TGFBR3: variants seen among roughly 807,000 people sequenced by gnomAD.
TGFBR3 encodes the protein transforming growth factor beta receptor 3, also known as transforming growth factor beta receptor type 3.
A neutral mutation model predicts 87.9 loss-of-function variants in TGFBR3; 46 were observed. The observed-to-expected ratio is 0.52, with a 90% CI of 0.41 to 0.67. The LOEUF is 0.67. TGFBR3 is among the 30% of genes least tolerant of loss of function. TGFBR3 has a pLI of 0.00. For synonymous variants in TGFBR3, 381 were observed against 391.6 expected, an observed-to-expected ratio of 0.97 and a Z score of 0.32; for missense variants, 866 against 1,041.9, an observed-to-expected ratio of 0.83 and a Z score of 2.32.
In TGFBR3 at chr1:91,720,187, C is replaced by T; in HGVS notation, c.1119G>A (p.Glu373=). The T allele has an allele frequency of 6.2e-7, 1 of 1,611,912 alleles. No individual in the cohort carries two copies. The highest frequency in any genetic ancestry group is 8.5e-7 in the Non-Finnish European group (1 of 1,178,984). The change falls in exon 9 of 17, where the codon GAG becomes GAA. Residue 373 remains glutamate, a synonymous_variant. Coordinates refer to ENST00000212355, the MANE Select transcript of TGFBR3 (RefSeq NM_003243.5). ...CACCAGGGTCCAGCAGGATCCGTAG[C>T]TCAGGAGGAATAGTGTGGACTTCCT... ...GDEEVHTIPP[E]LRILLDPGAL...
chr1:91,720,527 T>C (rs910462858), intron 8 of TGFBR3, among the ~76,000 whole-genome samples: 3 of 152,222 alleles, frequency 2.0e-5, no homozygotes, highest in Non-Finnish European at 4.4e-5. Flanking sequence ...TGGCTACACA[T>C]GAAAATCACT....
chr1:91,713,878 AATGT>A (rs1438548114), intron 12 of TGFBR3, among the ~76,000 whole-genome samples: 1 of 152,168 alleles, frequency 6.6e-6, no homozygotes, highest in Non-Finnish European at 1.5e-5. Flanking sequence ...CACATGCCAA[AATGT>A]GTAACAGAGG....
chr1:91,813,854 C>T (rs1676109982), intron 2 of TGFBR3, among the ~76,000 whole-genome samples: 1 of 152,172 alleles, frequency 6.6e-6, no homozygotes, highest in African/African-American at 2.4e-5. Context: ...GGAACTGTTC[C>T]ACCTCAGGTC....
At chr1:91,779,993 T>C (rs1242459550) in intron 3 of TGFBR3, among the ~76,000 whole-genome samples, 2 of 152,128 alleles carry the variant, frequency 1.3e-5, no homozygotes, top group Admixed American at 1.3e-4. Flanking sequence ...AGACCACCAA[T>C]CTCTGCCTGC....
At chr1:91,732,884 T>G (rs538474731) in intron 5 of TGFBR3, among the ~76,000 whole-genome samples, 1 of 152,218 alleles carries the variant, frequency 6.6e-6, no homozygotes, top group Non-Finnish European at 1.5e-5. Flanking sequence ...AAGAAGCTCA[T>G]GCACTGCCGA....
intron 2 of TGFBR3, among the ~76,000 whole-genome samples, chr1:91,833,290 C>T (rs1676924889): frequency 1.6e-5 from 1 of 62,996 alleles, no homozygotes; most frequent in Admixed American, 2.1e-4. Context: ...TAGGAGACTC[C>T]GACTCAAAAA....
At chr1:91,801,458 G>A (rs1040090062) in intron 2 of TGFBR3, among the ~76,000 whole-genome samples, 5 of 152,102 alleles carry the variant, frequency 3.3e-5, no homozygotes, top group Admixed American at 6.6e-5. Context: ...AGCATTGTAC[G>A]GTGAACATCC....
intron 2 of TGFBR3, among the ~76,000 whole-genome samples, chr1:91,814,917 A>G (rs1006134463): frequency 1.3e-5 from 2 of 152,300 alleles, no homozygotes; most frequent in African/African-American, 4.8e-5. Flanking sequence ...CCTCCTCCAC[A>G]TTAGAGAAAT....
At chr1:91,717,696 A>C (rs569305847) in intron 10 of TGFBR3, among the ~76,000 whole-genome samples, 19 of 142,660 alleles carry the variant, frequency 1.3e-4, no homozygotes, top group African/African-American at 4.3e-4. Flanking sequence ...AATTAAAAAA[A>C]AAAAACAAAC....
intron 4 of TGFBR3, among the ~76,000 whole-genome samples, chr1:91,741,598 T>G (rs576773246): frequency 5.0e-4 from 76 of 152,220 alleles, no homozygotes; most frequent in African/African-American, 1.6e-3. Flanking sequence ...TTGGTTCCCT[T>G]GGCAACCAGC....
At chr1:91,727,984 T>G in intron 6 of TGFBR3, 178 bp from the exon 7 acceptor site, 1 of 676,140 alleles carries the variant, frequency 1.5e-6, no homozygotes, top group Non-Finnish European at 2.6e-6. Flanking sequence ...CAAAATTGTT[T>G]TACATAACAA....
At chr1:91,904,463 C>T (rs958211652) in intron 1 of TGFBR3, among the ~76,000 whole-genome samples, 2 of 150,194 alleles carry the variant, frequency 1.3e-5, no homozygotes, top group African/African-American at 4.9e-5. Flanking sequence ...ATGGTGGGAT[C>T]TCAGCTCACT....
chr1:91,801,535 G>A (rs1675629455), intron 2 of TGFBR3, among the ~76,000 whole-genome samples: 2 of 151,712 alleles, frequency 1.3e-5, no homozygotes, highest in South Asian at 4.2e-4. Context: ...TAGATTTAGG[G>A]GTGAGATCTA....
intron 4 of TGFBR3, among the ~76,000 whole-genome samples, chr1:91,754,395 T>C (rs1362447598): frequency 1.3e-5 from 2 of 152,230 alleles, no homozygotes; most frequent in African/African-American, 4.8e-5. Flanking sequence ...TTCTGATTGT[T>C]CTCTGGGCCA....
In TGFBR3 at chr1:91,828,164, G is replaced by T. The variant is rs12132114; in HGVS notation, c.62-30693C>A. On this transcript the variant is annotated intron_variant, in intron 2 of 16. Coordinates refer to ENST00000212355, the MANE Select transcript of TGFBR3 (RefSeq NM_003243.5). ...TTCCCCAAGATAACTCGTCATGATCGCTATAGAATAAACCTGAAAGGGTTT... is the reference window on the plus strand; with the variant it reads ...TTCCCCAAGATAACTCGTCATGATCTCTATAGAATAAACCTGAAAGGGTTT... Among the ~76,000 whole-genome samples the T allele has an allele frequency of 2.6e-5, 4 of 152,004 alleles. No homozygotes were observed. In the South Asian group the frequency reaches 8.3e-4, roughly 32 times the overall value.
chr1:91,747,172 C>T (rs1673378646), intron 4 of TGFBR3, among the ~76,000 whole-genome samples: 2 of 152,186 alleles, frequency 1.3e-5, no homozygotes, highest in African/African-American at 4.8e-5. Context: ...AAAAATGATG[C>T]TCTTTCCACT....
intron 3 of TGFBR3, among the ~76,000 whole-genome samples, chr1:91,782,062 A>G (rs1434285902): frequency 2.0e-5 from 3 of 152,198 alleles, no homozygotes; most frequent in Admixed American, 6.5e-5. Context: ...TTCAAACCTT[A>G]TGAAAGCAGG....
intron 1 of TGFBR3, among the ~76,000 whole-genome samples, chr1:91,876,915 C>T (rs1678832753): frequency 1.3e-5 from 2 of 151,928 alleles, no homozygotes; most frequent in Non-Finnish European, 2.9e-5. Flanking sequence ...AAAAAGCAAC[C>T]CAACTCCCAA....
intron 2 of TGFBR3, among the ~76,000 whole-genome samples, chr1:91,855,772 C>G (rs1677916782): frequency 6.6e-6 from 1 of 152,150 alleles, no homozygotes; most frequent in Admixed American, 6.5e-5. Context: ...GTATCAAGCA[C>G]TTATTTTTTA....
Sources: gnomAD v4.1 joint callset for allele counts (sites outside exome capture counted in the v4.1 genomes callset) on GRCh38, gnomAD v4.1.1 for gene constraint, MANE v1.5 for transcripts, NCBI Gene and HGNC (gene_info 2026-07-23, HGNC 2026-07-21) for gene names.